PRKAR2A: variants seen among roughly 807,000 people sequenced by gnomAD.
The protein encoded by PRKAR2A is protein kinase cAMP-dependent type II regulatory subunit alpha, also known as cAMP-dependent protein kinase type II-alpha regulatory subunit.
Under a neutral mutation model 51.9 loss-of-function variants are expected in PRKAR2A, and 29 were observed. The observed-to-expected ratio is 0.56, with a 90% confidence interval of 0.42 to 0.76. PRKAR2A has a LOEUF of 0.76. Ranked by LOEUF, PRKAR2A falls within the 30% of genes least tolerant of loss-of-function variation. The probability of loss-of-function intolerance (pLI) is 0.00; values close to 1 mark genes in which losing one functional copy is unlikely to be tolerated. For missense variants in PRKAR2A, 445 were observed against 512.1 expected, an observed-to-expected ratio of 0.87 and a Z score of 1.26; for synonymous variants, 178 against 186.2, an observed-to-expected ratio of 0.96 and a Z score of 0.36.
At chr3:48,820,850 A>AT (rs991738903) in intron 1 of PRKAR2A, among the ~76,000 whole-genome samples, 1 of 152,196 alleles carries the variant, frequency 6.6e-6, no homozygotes, top group African/African-American at 2.4e-5. Context: ...AGCTTGACTC[A>AT]TGACCATTGT....
chr3:48,824,972 T>C (rs2083035649), intron 1 of PRKAR2A, among the ~76,000 whole-genome samples: 1 of 150,402 alleles, frequency 6.6e-6, no homozygotes, highest in South Asian at 2.1e-4. Context: ...AAAAAGGCAA[T>C]GAACTCAAAC....
chr3:48,840,681 A>G (rs1456150458), intron 1 of PRKAR2A, among the ~76,000 whole-genome samples: 8 of 127,126 alleles, frequency 6.3e-5, no homozygotes, highest in Non-Finnish European at 1.1e-4. Context: ...GGTTCACGCC[A>G]TTCTCCTGCC....
At chr3:48,807,018 GC>G (rs1261124484) in intron 2 of PRKAR2A, among the ~76,000 whole-genome samples, 1 of 152,012 alleles carries the variant, frequency 6.6e-6, no homozygotes, top group Non-Finnish European at 1.5e-5. Context: ...TGATCCACCC[GC>G]CAAGACCTCC....
Position 48,806,145 on chromosome 3 carries a change from C to T in PRKAR2A, c.298+1504G>A, listed in dbSNP as rs148269619. ...TCTCTTAACATAACATATTCTTCAACCTCCTTTCAACAGATTTTTATGTGG... is the reference window on the plus strand; with the variant it reads ...TCTCTTAACATAACATATTCTTCAATCTCCTTTCAACAGATTTTTATGTGG... On this transcript the variant is annotated intron_variant, in intron 2 of 10. Coordinates refer to ENST00000265563, the MANE Select transcript of PRKAR2A (RefSeq NM_004157.4). Among the ~76,000 whole-genome samples the T allele has an allele frequency of 6.9e-3, 1,056 of 152,270 alleles. 16 individuals are homozygous for T. Among genetic ancestry groups the T allele is most frequent in the African/African-American group, 0.024 (989 of 41,556 alleles).
At chr3:48,756,291 G>T (rs1381437225) in intron 9 of PRKAR2A, 88 bp downstream of exon 9, 3 of 1,150,512 alleles carry the variant, frequency 2.6e-6, no homozygotes, top group Non-Finnish European at 3.9e-6. Context: ...AACAATGATG[G>T]TTTGGTGTAT....
intron 1 of PRKAR2A, among the ~76,000 whole-genome samples, chr3:48,843,927 C>CAAGGA (rs2083419986): frequency 6.6e-6 from 1 of 150,428 alleles, no homozygotes; most frequent in Admixed American, 6.6e-5. Flanking sequence ...TAGGCATGGG[C>CAAGGA]AAGGACTTCA....
At chr3:48,827,846 T>G (rs141515841) in intron 1 of PRKAR2A, among the ~76,000 whole-genome samples, 89 of 152,220 alleles carry the variant, frequency 5.8e-4, no homozygotes, top group African/African-American at 2.0e-3. Flanking sequence ...TACTGTAACT[T>G]TTACTTTATA....
At chr3:48,791,592 C>CAAAAAAAA (rs35978535) in intron 3 of PRKAR2A, among the ~76,000 whole-genome samples, 2 of 41,814 alleles carry the variant, frequency 4.8e-5, no homozygotes, top group African/African-American at 1.1e-4. Context: ...GATTCCGTCT[C>CAAAAAAAA]AAAAAAAAAA....
At chr3:48,833,460 C>G (rs904067606) in intron 1 of PRKAR2A, among the ~76,000 whole-genome samples, 1 of 152,114 alleles carries the variant, frequency 6.6e-6, no homozygotes, top group Non-Finnish European at 1.5e-5. Context: ...GTAATCCCAG[C>G]ACTTTGGGTG....
At chr3:48,799,082 C>G (rs2082543884) in intron 2 of PRKAR2A, among the ~76,000 whole-genome samples, 1 of 152,140 alleles carries the variant, frequency 6.6e-6, no homozygotes. Context: ...GGAAAAAATC[C>G]ATTTTACAGT....
Position 48,807,639 on chromosome 3 carries a change from G to T in PRKAR2A, c.298+10C>A. 6.4e-7 allele frequency: 1 copy of T among 1,570,680 alleles called. No individual in the cohort carries two copies. Among genetic ancestry groups the T allele is most frequent in the Non-Finnish European group, 8.7e-7 (1 of 1,144,002 alleles). ...CATTTTAGAAGTATGTTATGAAATA[G>T]AACACATACCTGATACTCGTCTATT... On this transcript the variant is annotated intron_variant, in intron 2 of 10. Coordinates refer to ENST00000265563, the MANE Select transcript of PRKAR2A (RefSeq NM_004157.4).
At chr3:48,744,738 A>C (rs2081542645), downstream of PRKAR2A, 1 of 152,184 alleles carries the variant, frequency 6.6e-6, no homozygotes, top group Non-Finnish European at 1.5e-5. Flanking sequence ...GGGCAAGATC[A>C]AACTGCAACA....
At chr3:48,811,995 A>G (rs1299772774) in intron 1 of PRKAR2A, among the ~76,000 whole-genome samples, 2 of 152,094 alleles carry the variant, frequency 1.3e-5, no homozygotes. Context: ...ATAGACACAA[A>G]AGAGGGAACT....
intron 1 of PRKAR2A, among the ~76,000 whole-genome samples, chr3:48,813,749 T>C (rs1248345912): frequency 1.3e-5 from 2 of 152,140 alleles, no homozygotes; most frequent in Non-Finnish European, 2.9e-5. Context: ...AGCTGTCTAC[T>C]GTCTCCAGAA....
chr3:48,828,455 C>T (rs1027518124), intron 1 of PRKAR2A, among the ~76,000 whole-genome samples: 1 of 152,060 alleles, frequency 6.6e-6, no homozygotes, highest in Non-Finnish European at 1.5e-5. Context: ...TGGTGGCCCA[C>T]ACTTGTAATC....
chr3:48,775,969 G>A (rs985528532), intron 5 of PRKAR2A, among the ~76,000 whole-genome samples: 8 of 151,890 alleles, frequency 5.3e-5, no homozygotes, highest in Admixed American at 2.6e-4. Flanking sequence ...TTAGCTGGGC[G>A]GGTGGCAGGT....
chr3:48,835,193 A>G (rs1291348526), intron 1 of PRKAR2A, among the ~76,000 whole-genome samples: 1 of 151,298 alleles, frequency 6.6e-6, no homozygotes, highest in Non-Finnish European at 1.5e-5. Context: ...CTGGTCTCGA[A>G]CTCCTGATCT....
At chr3:48,768,234 C>T (rs1380336209) in intron 6 of PRKAR2A, among the ~76,000 whole-genome samples, 8 of 151,810 alleles carry the variant, frequency 5.3e-5, no homozygotes, top group Admixed American at 5.3e-4. Context: ...GGCGAAGTTG[C>T]AGTGAGGTGT....
chr3:48,811,473 T>A (rs1470655899), intron 1 of PRKAR2A, among the ~76,000 whole-genome samples: 1 of 152,166 alleles, frequency 6.6e-6, no homozygotes, highest in Non-Finnish European at 1.5e-5. Context: ...AAAGACCCTG[T>A]CTTCAGCCAT....
Sources: gnomAD v4.1 joint callset for allele counts (sites outside exome capture counted in the v4.1 genomes callset) on GRCh38, gnomAD v4.1.1 for gene constraint, MANE v1.5 for transcripts, NCBI Gene and HGNC (gene_info 2026-07-23, HGNC 2026-07-21) for gene names.